The following SAMTOR variants were observed in gnomAD, a reference collection of about 807,000 sequenced individuals.
The protein encoded by SAMTOR is S-adenosylmethionine sensor upstream of mTORC1, also known as UPF0532 protein C7orf60.
chr7:112,860,472 G>A, the SAMTOR span, among the ~76,000 whole-genome samples: 16 of 152,068 alleles, frequency 1.1e-4, no homozygotes, highest in Non-Finnish European at 1.8e-4. Context: ...TGCATCCTGC[G>A]ACTGTATTGA....
the SAMTOR span, among the ~76,000 whole-genome samples, chr7:112,832,250 G>C: frequency 6.6e-6 from 1 of 151,902 alleles, no homozygotes; most frequent in African/African-American, 2.4e-5. Context: ...CCTGACCTCA[G>C]GTGATCCACC....
At chr7:112,863,827 T>C in the SAMTOR span, among the ~76,000 whole-genome samples, 1 of 152,076 alleles carries the variant, frequency 6.6e-6, no homozygotes, top group South Asian at 2.1e-4. Flanking sequence ...CGTAAACTAG[T>C]TCAACCATTG....
At chr7:112,887,040 C>A in the SAMTOR span, among the ~76,000 whole-genome samples, 2 of 151,888 alleles carry the variant, frequency 1.3e-5, no homozygotes, top group Non-Finnish European at 2.9e-5. Flanking sequence ...GTGGCATGCA[C>A]CTGTAATCCC....
the SAMTOR span, among the ~76,000 whole-genome samples, chr7:112,921,178 G>A: frequency 1.6e-4 from 24 of 152,206 alleles, no homozygotes; most frequent in African/African-American, 2.9e-4. Context: ...GAGGCATCAC[G>A]CTACCTGACT....
chr7:112,915,292 A>C, the SAMTOR span: 2 of 1,590,098 alleles, frequency 1.3e-6, no homozygotes, highest in Admixed American at 1.9e-5. Context: ...ACGTTAATTC[A>C]TAAAAGTACT....
the SAMTOR span, among the ~76,000 whole-genome samples, chr7:112,891,564 G>T: frequency 1.3e-5 from 2 of 152,048 alleles, no homozygotes; most frequent in Non-Finnish European, 2.9e-5. Context: ...AGGGTAAAAG[G>T]GTATAGGAAC....
At chr7:112,890,575 G>C in the SAMTOR span, among the ~76,000 whole-genome samples, 1 of 151,868 alleles carries the variant, frequency 6.6e-6, no homozygotes, top group Non-Finnish European at 1.5e-5. Context: ...GTAGTAAATG[G>C]ACTCTTGAGT....
At chr7:112,890,187 T>C in the SAMTOR span, among the ~76,000 whole-genome samples, 1 of 152,130 alleles carries the variant, frequency 6.6e-6, no homozygotes, top group South Asian at 2.1e-4. Flanking sequence ...GTGAGGCAGA[T>C]TTGAAAAGCG....
chr7:112,885,506 G>A, the SAMTOR span, among the ~76,000 whole-genome samples: 1 of 152,148 alleles, frequency 6.6e-6, no homozygotes, highest in East Asian at 1.9e-4. Flanking sequence ...CAGATCTCTG[G>A]GGCAGGAGCA....
the SAMTOR span, among the ~76,000 whole-genome samples, chr7:112,870,567 T>C: frequency 6.6e-6 from 1 of 151,910 alleles, no homozygotes; most frequent in Non-Finnish European, 1.5e-5. Context: ...AAAAGAACAA[T>C]ATTCCCTACT....
chr7:112,896,261 A>T, the SAMTOR span, among the ~76,000 whole-genome samples: 2 of 152,110 alleles, frequency 1.3e-5, no homozygotes, highest in East Asian at 1.9e-4. Context: ...GTATATATGG[A>T]GAGCGAGCGA....
the SAMTOR span, among the ~76,000 whole-genome samples, chr7:112,856,262 T>C: frequency 6.6e-6 from 1 of 151,772 alleles, no homozygotes; most frequent in African/African-American, 2.4e-5. Context: ...TTCTTTTTTT[T>C]TTTTCGAGAC....
At chr7:112,870,419 C>T in the SAMTOR span, among the ~76,000 whole-genome samples, 1 of 152,198 alleles carries the variant, frequency 6.6e-6, no homozygotes, top group South Asian at 2.1e-4. Flanking sequence ...GAAATGCCAG[C>T]GAAGAATTTC....
chr7:112,822,433 T>C, the SAMTOR span: 13 of 1,381,714 alleles, frequency 9.4e-6, no homozygotes, highest in African/African-American at 8.7e-5. Flanking sequence ...CTTTAGTACA[T>C]AGACTTTTCA....
At chr7:112,868,440 G>A in the SAMTOR span, among the ~76,000 whole-genome samples, 2 of 152,306 alleles carry the variant, frequency 1.3e-5, no homozygotes, top group South Asian at 4.1e-4. Flanking sequence ...GTATGTGAAA[G>A]GGGCAGTCTG....
chr7:112,852,472 G>A, the SAMTOR span, among the ~76,000 whole-genome samples: 1 of 152,040 alleles, frequency 6.6e-6, no homozygotes, highest in Non-Finnish European at 1.5e-5. Flanking sequence ...GAATCCAAAA[G>A]GTGGGAGGGG....
At chr7:112,921,966 TCTC>T in the SAMTOR span, among the ~76,000 whole-genome samples, 1 of 125,964 alleles carries the variant, frequency 7.9e-6, no homozygotes, top group South Asian at 2.7e-4. Flanking sequence ...TCCCTCTCCC[TCTC>T]CCGCTCCCGC....
the SAMTOR span, among the ~76,000 whole-genome samples, chr7:112,912,941 G>T: frequency 6.6e-6 from 1 of 152,078 alleles, no homozygotes; most frequent in African/African-American, 2.4e-5. Context: ...ACAGTTTGAG[G>T]GCCTGCCTGC....
chr7:112,917,758 C>T, the SAMTOR span, among the ~76,000 whole-genome samples: 4 of 152,052 alleles, frequency 2.6e-5, no homozygotes, highest in South Asian at 4.1e-4. Flanking sequence ...CTTAAAGGAG[C>T]TGATGGAGCT....
Sources: gnomAD v4.1 joint callset for allele counts (sites outside exome capture counted in the v4.1 genomes callset) on GRCh38, gnomAD v4.1.1 for gene constraint, MANE v1.5 for transcripts, NCBI Gene and HGNC (gene_info 2026-07-23, HGNC 2026-07-21) for gene names.